Variants in WNT7B observed in about 807,000 individuals in gnomAD.
WNT7B encodes Wnt family member 7B.
A neutral mutation model predicts 38.2 loss-of-function variants in WNT7B; 19 were observed. That is an observed-to-expected ratio of 0.50 (90% CI 0.35 to 0.73). WNT7B has a LOEUF of 0.73. Ranked by LOEUF, WNT7B falls within the 30% of genes least tolerant of loss-of-function variation. The probability of loss-of-function intolerance (pLI) is 0.01; values close to 1 mark genes in which losing one functional copy is unlikely to be tolerated. For missense variants in WNT7B, 423 were observed against 507.9 expected, an observed-to-expected ratio of 0.83 and a Z score of 1.61; for synonymous variants, 243 against 209.3, an observed-to-expected ratio of 1.16 and a Z score of -1.39.
Position 45,922,870 on chromosome 22 carries a change from A to C in WNT7B, c.1036T>G (p.Phe346Val). 1.3e-6 allele frequency: 2 copies of C among 1,597,430 alleles called. No homozygotes were observed. The highest frequency in any genetic ancestry group is 2.2e-5 in the South Asian group (2 of 90,548). Residue 346 changes from phenylalanine (F) to valine (V), a missense_variant, in exon 4 of 4, where the codon TTC (phenylalanine) becomes GTC (valine). Phe to Val is a conservative substitution (Grantham distance 50). Coordinates refer to ENST00000339464, the MANE Select transcript of WNT7B (RefSeq NM_058238.3). ...CNTCSERTEV[F>V]TCK The stretch of plus-strand genomic sequence containing the variant: ...CGGGCCTGGCCTCACTTGCAGGTGA[A>C]GACCTCGGTGCGCTCGCTGCAGGTG...
intron 1 of WNT7B, among the ~76,000 whole-genome samples, chr22:45,971,525 G>A (rs1235895205): frequency 1.3e-5 from 2 of 152,322 alleles, no homozygotes; most frequent in South Asian, 2.1e-4. Context: ...TCCCTTGGCC[G>A]AGACAACTGG....
In WNT7B at chr22:45,921,059, GC is replaced by G. The variant is rs1382772563; in HGVS notation, c.*1796del. 3.3e-5 allele frequency: 5 copies of G among 152,290 alleles called. No homozygotes were observed. In the East Asian group the frequency reaches 9.7e-4, roughly 29 times the overall value. 9.4% of individuals were successfully genotyped at this position (152,290 alleles called of 1,614,324 possible). ...GAGGGACCCACTTGCCCCAGGCTGAGCCCAGGCCCTTGGCTTGTCGGCTGCT... is the reference window on the plus strand; with the variant it reads ...GAGGGACCCACTTGCCCCAGGCTGAGCCAGGCCCTTGGCTTGTCGGCTGCT... On this transcript the variant is annotated 3_prime_UTR_variant, in exon 4 of 4. Coordinates refer to ENST00000339464, the MANE Select transcript of WNT7B (RefSeq NM_058238.3).
chr22:45,957,699 A>AAAAAAAAAC (rs1932102288), intron 1 of WNT7B, among the ~76,000 whole-genome samples: 1 of 149,822 alleles, frequency 6.7e-6, no homozygotes, highest in Non-Finnish European at 1.5e-5. Context: ...AAAAAAAAAA[A>AAAAAAAAAC]AAAAAAAAAA....
intron 3 of WNT7B, among the ~76,000 whole-genome samples, chr22:45,930,262 AC>A (rs1261402076): frequency 3.9e-5 from 6 of 152,232 alleles, no homozygotes. Context: ...GCAGTGAGTG[AC>A]CAGTGGCCTC....
intron 1 of WNT7B, among the ~76,000 whole-genome samples, chr22:45,964,969 C>T (rs1029065262): frequency 1.3e-5 from 2 of 152,174 alleles, no homozygotes; most frequent in Non-Finnish European, 2.9e-5. Context: ...TCCATGCCTC[C>T]CCATCCTCCA....
intron 1 of WNT7B, among the ~76,000 whole-genome samples, chr22:45,963,572 G>GA (rs1458741082): frequency 6.6e-6 from 1 of 152,128 alleles, no homozygotes; most frequent in African/African-American, 2.4e-5. Context: ...CAGCATCTTG[G>GA]GCCAGGCCAC....
At chr22:45,927,533 AAAC>A in intron 3 of WNT7B, 1 of 1,514,042 alleles carries the variant, frequency 6.6e-7, no homozygotes, top group Non-Finnish European at 9.0e-7. Context: ...GTGGTCAAGG[AAAC>A]AACGGAGAGG....
intron 3 of WNT7B, chr22:45,925,817 C>T: frequency 1.0e-6 from 1 of 985,434 alleles, no homozygotes; most frequent in Non-Finnish European, 1.2e-6. Context: ...GGCTGCTCAC[C>T]CTCCTCAGAT....
chr22:45,938,786 G>C (rs969980465), intron 2 of WNT7B, among the ~76,000 whole-genome samples: 1 of 152,124 alleles, frequency 6.6e-6, no homozygotes, highest in African/African-American at 2.4e-5. Context: ...CCAACACATA[G>C]AAATGATAAA....
At chr22:45,954,600 G>GC (rs1235397824) in intron 1 of WNT7B, 4 of 985,248 alleles carry the variant, frequency 4.1e-6, no homozygotes, top group Middle Eastern at 5.2e-4. Context: ...GCCCCCAGCA[G>GC]CCCCCTGCGT....
chr22:45,957,698 A>C (rs1440453221), intron 1 of WNT7B, among the ~76,000 whole-genome samples: 2 of 149,824 alleles, frequency 1.3e-5, no homozygotes, highest in African/African-American at 2.4e-5. Flanking sequence ...AAAAAAAAAA[A>C]AAAAAAAAAA....
rs555305745 is a variant in WNT7B, at chr22:45,944,648, G to A, written c.298+5272C>T. ...CCTGGGGCCTGCAGACCACCAAGGT[G>A]TGGCCAGCACGAGACTGGGCCCAGC... is the stretch of plus-strand genomic sequence containing the variant. On this transcript the variant is annotated intron_variant, in intron 2 of 3. Coordinates refer to ENST00000339464, the MANE Select transcript of WNT7B (RefSeq NM_058238.3). 6.6e-5 allele frequency among the ~76,000 whole-genome samples: 10 copies of A among 152,326 alleles called. 1 individual carries two copies. In the South Asian group the frequency reaches 2.1e-3, roughly 32 times the overall value.
At chr22:45,968,632 G>A (rs978649353) in intron 1 of WNT7B, among the ~76,000 whole-genome samples, 4 of 152,298 alleles carry the variant, frequency 2.6e-5, no homozygotes, top group Admixed American at 6.5e-5. Flanking sequence ...GCACACAGAC[G>A]GTCCAGGATG....
intron 2 of WNT7B, among the ~76,000 whole-genome samples, chr22:45,941,722 C>T (rs1355042754): frequency 1.3e-5 from 2 of 152,128 alleles, no homozygotes; most frequent in Admixed American, 6.5e-5. Flanking sequence ...GATGTCCCAG[C>T]ATTGCCCAGC....
Position 45,948,085 on chromosome 22 carries a change from A to G in WNT7B, c.298+1835T>C, listed in dbSNP as rs116645929. 1.6e-3 allele frequency among the ~76,000 whole-genome samples: 249 copies of G among 152,346 alleles called. 1 individual carries two copies. Among genetic ancestry groups the G allele is most frequent in the African/African-American group, 5.7e-3 (237 of 41,584 alleles). On this transcript the variant is annotated intron_variant, in intron 2 of 3. Coordinates refer to ENST00000339464, the MANE Select transcript of WNT7B (RefSeq NM_058238.3). Reference sequence around the variant, plus strand: ...TGCCCCTCTCCTGGCGCAGCGAGGCAGCAAGGATTAGCAGGAACAGCGAGG... The same window carrying G: ...TGCCCCTCTCCTGGCGCAGCGAGGCGGCAAGGATTAGCAGGAACAGCGAGG...
At position 45,922,977 on chromosome 22, in the gene WNT7B, C is replaced by A; in HGVS notation, c.929G>T (p.Gly310Val). ...GADGCDTMCC[G>V]RGYNTHQYTK... is the part of the protein sequence containing the mutation. ...GTACTGGTGGGTGTTGTAGCCTCGG[C>A]CGCAGCACATGGTGTCACAGCCGTC... The change falls in exon 4 of 4, where the codon GGC (glycine) becomes GTC (valine). Residue 310 changes from glycine (G) to valine (V), a missense_variant. Transcript: ENST00000339464. 6.2e-7 allele frequency: 1 copy of A among 1,613,316 alleles called. No individual in the cohort carries two copies. The highest frequency in any genetic ancestry group is 8.5e-7 in the Non-Finnish European group (1 of 1,179,868).
chr22:45,948,998 T>A lies in WNT7B; in HGVS notation c.298+922A>T, dbSNP rs200477909. On this transcript the variant is annotated intron_variant, in intron 2 of 3. Transcript: ENST00000339464. ...CAAGTAGCTGGGATTGTCTGGCTAA[T>A]TTTTGTATTTTTAGTAGAGATGGGG... 5.9e-5 allele frequency among the ~76,000 whole-genome samples: 9 copies of A among 152,070 alleles called. No homozygotes were observed. The East Asian group carries it at 1.7e-3, about 30-fold the overall frequency.
At chr22:45,970,919 G>T (rs1203830019) in intron 1 of WNT7B, among the ~76,000 whole-genome samples, 1 of 152,246 alleles carries the variant, frequency 6.6e-6, no homozygotes, top group Non-Finnish European at 1.5e-5. Context: ...GCTGCCCGCC[G>T]GGCCTGGAGC....
intron 1 of WNT7B, among the ~76,000 whole-genome samples, chr22:45,969,115 G>A (rs1413484555): frequency 2.0e-5 from 3 of 152,232 alleles, no homozygotes; most frequent in Non-Finnish European, 4.4e-5. Flanking sequence ...CATGGCCACA[G>A]CACTTCTGGG....
Sources: allele counts gnomAD v4.1 joint callset (sites outside exome capture counted in the v4.1 genomes callset), GRCh38; gene constraint gnomAD v4.1.1; transcripts MANE v1.5; gene names NCBI Gene and HGNC (gene_info 2026-07-23, HGNC 2026-07-21).